ZNF777: variants seen among roughly 807,000 people sequenced by gnomAD.
ZNF777 encodes the protein zinc finger protein 777.
A neutral mutation model predicts 72.1 loss-of-function variants in ZNF777; 7 were observed. The ratio of observed to expected loss-of-function variants is 0.10; its 90% CI spans 0.06 to 0.18. ZNF777 has a LOEUF of 0.18. ZNF777 is among the 10% of genes least tolerant of loss of function. The pLI, the probability that ZNF777 is intolerant of heterozygous loss-of-function variation, is 1.00. For synonymous variants in ZNF777, 545 were observed against 483.5 expected (o/e 1.13, Z -1.67); for missense variants, 828 against 1,128.6 (o/e 0.73, Z 3.82).
chr7:149,451,013 G>C lies in ZNF777; in HGVS notation c.1073C>G (p.Thr358Arg). 6.2e-7 allele frequency: 1 copy of C among 1,613,712 alleles called. No homozygotes were observed. The highest frequency in any genetic ancestry group is 1.1e-5 in the South Asian group (1 of 91,082). ...QEDSEEGETP[T>R]DPSAAHDGIV... ...TAGCCACTCACCAGCACTGGGATCT[G>C]TCGGCGTTTCGCCCTCCTCAGAGTC... The change falls in exon 4 of 6, where the codon ACA becomes AGA. Residue 358 changes from threonine (T) to arginine (R), a missense_variant. Physicochemically the swap from Thr to Arg is moderately conservative, Grantham distance 71 (BLOSUM62 -1). This residue lies in a region of ZNF777 where 73 missense variants were observed against 90.6 expected (regional missense o/e 0.81). Coordinates refer to ENST00000247930, the MANE Select transcript of ZNF777 (RefSeq NM_015694.3).
rs1799306040 is a variant in ZNF777 at position 149,431,619 on chromosome 7, C to T, written c.*157G>A. On this transcript the variant is annotated 3_prime_UTR_variant, in exon 6 of 6. Coordinates refer to ENST00000247930, the MANE Select transcript of ZNF777 (RefSeq NM_015694.3). ...GCAGCAAGGGACCTGGTCTCACTGC[C>T]CCCATGTCCTTGGGAGGAGGGACGA... is the stretch of plus-strand genomic sequence containing the variant. 6.5e-6 allele frequency: 5 copies of T among 769,954 alleles called. No homozygotes were observed. Among genetic ancestry groups the T allele is most frequent in the South Asian group, 6.0e-5 (4 of 66,846 alleles). 47.7% of individuals were successfully genotyped at this position (769,954 alleles called of 1,614,324 possible).
At position 149,456,174 on chromosome 7, in the gene ZNF777, C is replaced by CTAG. The variant is rs2116608725; in HGVS notation, c.-15-138_-15-137insCTA. 3 of 860,380 alleles carry CTAG rather than the reference C, an allele frequency of 3.5e-6. No individual in the cohort carries two copies. The East Asian group carries it at 8.3e-5, about 24-fold the overall frequency. 53.3% of individuals were successfully genotyped at this position (860,380 alleles called of 1,614,324 possible). On this transcript the variant is annotated intron_variant, in intron 1 of 5. Transcript: ENST00000247930. ...ATATGTGCCCCTCATATGTGAATCT[C>CTAG]TTCTAGAGACCACAGCACCAATTTA...
chr7:149,440,679 T>TG (rs1799498757), intron 4 of ZNF777, among the ~76,000 whole-genome samples: 3 of 143,616 alleles, frequency 2.1e-5, no homozygotes, highest in African/African-American at 8.6e-5. Flanking sequence ...TTTTGTTTTT[T>TG]TTTTTTTTTT....
chr7:149,437,394 GC>G (rs1799432754), intron 4 of ZNF777, among the ~76,000 whole-genome samples: 1 of 152,118 alleles, frequency 6.6e-6, no homozygotes, highest in Non-Finnish European at 1.5e-5. Context: ...TGAAGAAAAG[GC>G]TACCTCCTGA....
rs749046779 is a variant in ZNF777 at position 149,432,391 on chromosome 7, A to T, written c.1881T>A (p.Gly627=). ...AGGGCTTAGGGCCACCGCCGCCGCT[A>T]CCAGAGCTGGGTGACTTGGGACGCG... is the stretch of plus-strand genomic sequence containing the variant. ...LKPRPKSPSS[G]SGGGGPKPYK... Residue 627 remains glycine, a synonymous_variant, in exon 6 of 6, where the codon GGT becomes GGA. Transcript: ENST00000247930. 265 of 1,613,300 alleles carry T rather than the reference A, an allele frequency of 1.6e-4. 1 individual carries two copies. The highest frequency in any genetic ancestry group is 1.3e-5 in the Non-Finnish European group (15 of 1,179,974).
chr7:149,450,796 T>C lies in ZNF777; in HGVS notation c.1087+203A>G, dbSNP rs143170749. Among the ~76,000 whole-genome samples the C allele has an allele frequency of 1.4e-3, 212 of 152,300 alleles. 1 individual carries two copies. The highest frequency in any genetic ancestry group is 4.9e-3 in the African/African-American group (203 of 41,554). ...TCATGTCAAAAAATTCCTGAGACAG[T>C]GAACCCAACGGCATTCCCATTAATC... On this transcript the variant is annotated intron_variant, in intron 4 of 5. Coordinates refer to ENST00000247930, the MANE Select transcript of ZNF777 (RefSeq NM_015694.3).
intron 1 of ZNF777, among the ~76,000 whole-genome samples, chr7:149,458,635 T>C (rs1799880636): frequency 6.6e-6 from 1 of 152,218 alleles, no homozygotes; most frequent in African/African-American, 2.4e-5. Context: ...ATTTCTTTGC[T>C]ATTATTAGAC....
intron 4 of ZNF777, among the ~76,000 whole-genome samples, chr7:149,447,792 C>G (rs971009566): frequency 6.6e-6 from 1 of 152,220 alleles, no homozygotes; most frequent in Non-Finnish European, 1.5e-5. Context: ...GGCACCTTCC[C>G]TGTCGTGTGT....
intron 4 of ZNF777, among the ~76,000 whole-genome samples, chr7:149,441,784 A>G (rs1276992727): frequency 1.3e-5 from 2 of 152,194 alleles, no homozygotes; most frequent in East Asian, 3.8e-4. Flanking sequence ...TAAGCATTTA[A>G]TTACTTAGAC....
Position 149,436,390 on chromosome 7 carries a change from C to T in ZNF777, c.1339+185G>A, listed in dbSNP as rs1027498324. Among the ~76,000 whole-genome samples, 7 of 152,110 alleles carry T rather than the reference C, an allele frequency of 4.6e-5. No individual in the cohort carries two copies. The highest frequency in any genetic ancestry group is 3.9e-4 in the Admixed American group (6 of 15,288). On this transcript the variant is annotated intron_variant, in intron 5 of 5. Coordinates refer to ENST00000247930, the MANE Select transcript of ZNF777 (RefSeq NM_015694.3). The surrounding 1 kb of genome is among the most constrained non-coding windows in gnomAD (Gnocchi z 5.0). ...AACCACTTCTTTCCTAGGTTGGAGA[C>T]GGATTCTTACAAGTCCCGCGTCACG...
intron 1 of ZNF777, chr7:149,459,621 C>T (rs1585707905): frequency 1.0e-6 from 1 of 984,996 alleles, no homozygotes; most frequent in Non-Finnish European, 1.2e-6. Flanking sequence ...CTGGGCAGGC[C>T]TTTCTGGGGC....
chr7:149,441,022 A>G (rs1799505093), intron 4 of ZNF777, among the ~76,000 whole-genome samples: 1 of 152,162 alleles, frequency 6.6e-6, no homozygotes, highest in African/African-American at 2.4e-5. Context: ...TTTGTGGCAC[A>G]TACTCTACTC....
Position 149,444,177 on chromosome 7 carries a change from A to G in ZNF777, c.1087+6822T>C, listed in dbSNP as rs539056975. On this transcript the variant is annotated intron_variant, in intron 4 of 5. Coordinates refer to ENST00000247930, the MANE Select transcript of ZNF777 (RefSeq NM_015694.3). The stretch of plus-strand genomic sequence containing the variant: ...GGTGTTTACCTCGCTAGATTATATC[A>G]ATGTTATTTATAACTAAACTCTGTA... Among the ~76,000 whole-genome samples, 105 of 152,300 alleles carry G rather than the reference A, an allele frequency of 6.9e-4. 4 individuals are homozygous for G. In the South Asian group the frequency reaches 0.02, roughly 29 times the overall value.
At position 149,436,899 on chromosome 7, in the gene ZNF777, C is replaced by T; in HGVS notation, c.1088-73G>A. ...TTCATGCCAACTGCCCAGGTTTCTG[C>T]AGCCCTACAATTTACATCTCAATAA... On this transcript the variant is annotated intron_variant, in intron 4 of 5. Transcript: ENST00000247930. This position sits in a 1 kb window ranked among gnomAD's most constrained non-coding sequence, Gnocchi z 5.0. 6.5e-7 allele frequency: 1 copy of T among 1,535,226 alleles called. No individual in the cohort carries two copies. Among genetic ancestry groups the T allele is most frequent in the Non-Finnish European group, 8.8e-7 (1 of 1,130,418 alleles).
chr7:149,447,112 A>C (rs986569034), intron 4 of ZNF777, among the ~76,000 whole-genome samples: 4 of 152,160 alleles, frequency 2.6e-5, no homozygotes, highest in Admixed American at 6.5e-5. Flanking sequence ...CTGCAGATGA[A>C]AATCACCTTG....
At chr7:149,451,478 G>A (rs1799715784) in intron 3 of ZNF777, among the ~76,000 whole-genome samples, 1 of 152,046 alleles carries the variant, frequency 6.6e-6, no homozygotes, top group Admixed American at 6.6e-5. Context: ...ATCACCTGAG[G>A]TCAGGAGTTC....
intron 3 of ZNF777, 40 bp from the exon 4 acceptor site, chr7:149,451,152 G>C (rs1055904293): frequency 5.2e-6 from 8 of 1,551,460 alleles, no homozygotes; most frequent in South Asian, 1.1e-5. Context: ...TCTGGGATGA[G>C]GTTGCACTGG....
rs996922875 is a variant in ZNF777 at position 149,431,726 on chromosome 7, G to T, written c.*50C>A. ...GGGCTCGGGCCTGGCGGTGTCCGAG[G>T]GGGGGCACGGCCCGCGCACCTGGCC... On this transcript the variant is annotated 3_prime_UTR_variant, in exon 6 of 6. Coordinates refer to ENST00000247930, the MANE Select transcript of ZNF777 (RefSeq NM_015694.3). 6.3e-6 allele frequency: 8 copies of T among 1,273,462 alleles called. No homozygotes were observed. The African/African-American group carries it at 6.8e-5, about 11-fold the overall frequency. The allele number at this position is 1,273,462 out of a possible 1,614,324, so 78.9% of individuals were successfully genotyped here.
intron 1 of ZNF777, among the ~76,000 whole-genome samples, chr7:149,457,526 TC>T (rs1448247870): frequency 1.3e-5 from 2 of 152,262 alleles, no homozygotes; most frequent in Non-Finnish European, 2.9e-5. Context: ...ACAATGACGT[TC>T]CTTTAGTCAC....
Sources: allele counts gnomAD v4.1 joint callset (sites outside exome capture counted in the v4.1 genomes callset), GRCh38; gene constraint gnomAD v4.1.1; regional missense constraint gnomAD v4.1.1; non-coding constraint Gnocchi (gnomAD v3.1); transcripts MANE v1.5; gene names NCBI Gene and HGNC (gene_info 2026-07-23, HGNC 2026-07-21).